PICALM: variants seen among roughly 807,000 people sequenced by gnomAD.
PICALM encodes phosphatidylinositol binding clathrin assembly protein.
In PICALM, 40 loss-of-function variants were observed where a neutral mutation model predicts 80.5. That is an observed-to-expected ratio of 0.50 (90% CI 0.39 to 0.65). PICALM has a LOEUF of 0.65. Among genes scored for constraint, PICALM ranks in the 30% least tolerant of loss-of-function variants. PICALM has a pLI of 0.00. For synonymous variants in PICALM, 288 were observed against 260.3 expected (o/e 1.11, Z -1.02); for missense variants, 676 against 778.9 (o/e 0.87, Z 1.57).
intron 8 of PICALM, among the ~76,000 whole-genome samples, chr11:86,007,212 T>C (rs747948308): frequency 3.3e-5 from 5 of 152,252 alleles, no homozygotes; most frequent in Non-Finnish European, 7.3e-5. Flanking sequence ...AGCATTATAG[T>C]GAAAATTGTT....
intron 2 of PICALM, among the ~76,000 whole-genome samples, chr11:86,027,075 C>T (rs1328432344): frequency 2.0e-5 from 3 of 152,230 alleles, no homozygotes; most frequent in Non-Finnish European, 4.4e-5. Context: ...AATTGTCCCA[C>T]TTAACATTTC....
chr11:86,022,029 A>G (rs942685760), intron 4 of PICALM, among the ~76,000 whole-genome samples: 3 of 152,176 alleles, frequency 2.0e-5, no homozygotes, highest in Non-Finnish European at 4.4e-5. Flanking sequence ...GGAATAGGAA[A>G]TGAATGCTAA....
At chr11:86,009,998 A>G (rs148887505) in intron 7 of PICALM, among the ~76,000 whole-genome samples, 2 of 152,226 alleles carry the variant, frequency 1.3e-5, no homozygotes, top group Admixed American at 6.5e-5. Context: ...ATAGAATAAT[A>G]TATCACCACA....
Position 85,981,149 on chromosome 11 carries a change from C to T in PICALM, c.1759G>A (p.Ala587Thr), listed in dbSNP as rs752421488. The change falls in exon 17 of 20, where the codon GCT becomes ACT. Residue 587 changes from alanine (A) to threonine (T), a missense_variant. Coordinates refer to ENST00000393346, the MANE Select transcript of PICALM (RefSeq NM_007166.4). ...CTCACCATTGTTGCAGCATTCCAAG[C>T]GGTTGTTGGTGCAACCTTTGGTTGC... Reference protein sequence around the residue: ...NWQPKVAPTTAWNAATMAPPV... With the variant: ...NWQPKVAPTTTWNAATMAPPV... 5.7e-6 allele frequency: 9 copies of T among 1,591,580 alleles called. No homozygotes were observed. The highest frequency in any genetic ancestry group is 4.4e-5 in the South Asian group (4 of 90,520).
chr11:86,011,195 GAA>G, intron 6 of PICALM, 59 bp from the exon 7 acceptor site: 1 of 681,908 alleles, frequency 1.5e-6, no homozygotes, highest in East Asian at 2.8e-5. Context: ...CCCAAAAAAG[GAA>G]AAAAAAAGTA....
chr11:86,019,085 A>G (rs956916229), intron 4 of PICALM, among the ~76,000 whole-genome samples: 2 of 152,158 alleles, frequency 1.3e-5, no homozygotes, highest in Non-Finnish European at 2.9e-5. Flanking sequence ...AACATTTTCT[A>G]TGAATTAGGA....
intron 17 of PICALM, chr11:85,976,933 C>T: frequency 3.4e-6 from 1 of 296,678 alleles, no homozygotes; most frequent in Non-Finnish European, 6.3e-6. Context: ...TCTAAGATTT[C>T]ATCATGCTTT....
At chr11:86,025,836 G>A (rs888139662) in intron 3 of PICALM, among the ~76,000 whole-genome samples, 1 of 152,108 alleles carries the variant, frequency 6.6e-6, no homozygotes, top group Admixed American at 6.5e-5. Flanking sequence ...TGCAATAACA[G>A]GCATGAGCCA....
intron 4 of PICALM, among the ~76,000 whole-genome samples, chr11:86,021,550 A>G (rs1030477076): frequency 6.6e-6 from 1 of 152,086 alleles, no homozygotes; most frequent in Non-Finnish European, 1.5e-5. Flanking sequence ...TATGGCAAGA[A>G]TAGGGAGAAA....
intron 1 of PICALM, among the ~76,000 whole-genome samples, chr11:86,043,626 G>A (rs528438199): frequency 5.3e-5 from 8 of 152,236 alleles, no homozygotes; most frequent in African/African-American, 1.9e-4. Context: ...ATGTGACACA[G>A]CGCCTTATAC....
At position 85,986,365 on chromosome 11, in the gene PICALM, A is replaced by ATTTTTTTTTTTTT. The variant is rs775072780; in HGVS notation, c.1409-2405_1409-2393dup. Among the ~76,000 whole-genome samples the ATTTTTTTTTTTTT allele has an allele frequency of 8.1e-4, 60 of 73,750 alleles. 5 individuals are homozygous for ATTTTTTTTTTTTT. Among genetic ancestry groups the ATTTTTTTTTTTTT allele is most frequent in the African/African-American group, 1.1e-3 (19 of 17,846 alleles). 48.4% of individuals were successfully genotyped at this position (73,750 alleles called of 152,430 possible). ...AAACTATCAGGACTGCCAACTTTTA[A>ATTTTTTTTTTTTT]TTTTTTTTTTTTTTTTTTTTTTTTT... On this transcript the variant is annotated intron_variant, in intron 13 of 19. Coordinates refer to ENST00000393346, the MANE Select transcript of PICALM (RefSeq NM_007166.4).
intron 7 of PICALM, among the ~76,000 whole-genome samples, chr11:86,007,790 T>C (rs539634014): frequency 8.5e-5 from 13 of 152,188 alleles, no homozygotes; most frequent in East Asian, 5.8e-4. Flanking sequence ...GTAGGGAAAC[T>C]AGAGTTGGAA....
Position 86,038,554 on chromosome 11 carries a change from G to A in PICALM, c.131-6943C>T, listed in dbSNP as rs529245103. Among the ~76,000 whole-genome samples the A allele has an allele frequency of 7.2e-5, 11 of 151,898 alleles. No individual in the cohort carries two copies. The South Asian group carries it at 8.4e-4, about 12-fold the overall frequency. ...TCCCAGCACTTTGGGAGACCGAGGC[G>A]GGTGGATCATGAGGTCAGGAGTTCA... is the stretch of plus-strand genomic sequence containing the variant. On this transcript the variant is annotated intron_variant, in intron 1 of 19. Coordinates refer to ENST00000393346, the MANE Select transcript of PICALM (RefSeq NM_007166.4).
rs1046768214 is a variant in PICALM, at chr11:85,959,006, C to T, written c.*40G>A. 1 of 1,542,924 alleles carries T rather than the reference C, an allele frequency of 6.5e-7. No homozygotes were observed. The highest frequency in any genetic ancestry group is 8.9e-7 in the Non-Finnish European group (1 of 1,126,600). ...GGAAGTAAGGATTTTGCTGCTTGAG[C>T]ACTTGTCTTTTTGGAGTAATTCCAT... is the stretch of plus-strand genomic sequence containing the variant. On this transcript the variant is annotated 3_prime_UTR_variant, in exon 20 of 20. Coordinates refer to ENST00000393346, the MANE Select transcript of PICALM (RefSeq NM_007166.4).
rs187276151 is a variant in PICALM, at chr11:86,011,180, T to C, written c.659-44A>G. On this transcript the variant is annotated intron_variant, in intron 6 of 19. Coordinates refer to ENST00000393346, the MANE Select transcript of PICALM (RefSeq NM_007166.4). ...AAATTCTTTTGTTCACATCAAAATATAACACCCAAAAAAGGAAAAAAAAAG... is the reference window on the plus strand; with the variant it reads ...AAATTCTTTTGTTCACATCAAAATACAACACCCAAAAAAGGAAAAAAAAAG... 8 of 846,140 alleles carry C rather than the reference T, an allele frequency of 9.5e-6. No individual in the cohort carries two copies. The East Asian group carries it at 1.6e-4, about 17-fold the overall frequency. 52.4% of individuals were successfully genotyped at this position (846,140 alleles called of 1,614,324 possible). A position where few individuals can be genotyped will look rare whatever the true frequency, so the allele number is the denominator to read the frequency against.
intron 4 of PICALM, among the ~76,000 whole-genome samples, chr11:86,015,191 A>G (rs2095461352): frequency 6.6e-6 from 1 of 152,246 alleles, no homozygotes. Context: ...ACTAAAAAAG[A>G]ACATAAAGCA....
chr11:86,019,547 C>A (rs1323429133), intron 4 of PICALM, among the ~76,000 whole-genome samples: 2 of 152,170 alleles, frequency 1.3e-5, no homozygotes, highest in Non-Finnish European at 2.9e-5. Flanking sequence ...TGTAAATACA[C>A]TGAAGATCAA....
chr11:86,025,864 T>C (rs1244729412), intron 3 of PICALM, among the ~76,000 whole-genome samples: 3 of 152,176 alleles, frequency 2.0e-5, no homozygotes, highest in East Asian at 1.9e-4. Context: ...CAGCCTTACA[T>C]AGCATGTCTT....
intron 19 of PICALM, among the ~76,000 whole-genome samples, chr11:85,973,598 T>C (rs2094178337): frequency 6.6e-6 from 1 of 152,172 alleles, no homozygotes; most frequent in Non-Finnish European, 1.5e-5. Flanking sequence ...GGTTCAGTAC[T>C]ACCCCATTTT....
Sources: gnomAD v4.1 joint callset for allele counts (sites outside exome capture counted in the v4.1 genomes callset) on GRCh38, gnomAD v4.1.1 for gene constraint, MANE v1.5 for transcripts, NCBI Gene and HGNC (gene_info 2026-07-23, HGNC 2026-07-21) for gene names.